CNBD1: variants seen among roughly 807,000 people sequenced by gnomAD.
The protein encoded by CNBD1 is cyclic nucleotide binding domain containing 1, also known as cyclic nucleotide-binding domain-containing protein 1.
A neutral mutation model predicts 54.4 loss-of-function variants in CNBD1; 71 were observed. That is an observed-to-expected ratio of 1.30 (90% confidence interval 1.08 to 1.59). The LOEUF (loss-of-function observed/expected upper bound fraction) is 1.59. CNBD1 is among the 40% of genes most tolerant of loss of function. The probability of loss-of-function intolerance (pLI) is 0.00; values close to 1 mark genes in which losing one functional copy is unlikely to be tolerated. For missense variants in CNBD1, 659 were observed against 518.0 expected (o/e 1.27, Z -2.64); for synonymous variants, 182 against 170.7 (o/e 1.07, Z -0.51).
At chr8:87,258,250 A>G (rs1256454695) in intron 6 of CNBD1, among the ~76,000 whole-genome samples, 2 of 152,116 alleles carry the variant, frequency 1.3e-5, no homozygotes, top group African/African-American at 4.8e-5. Context: ...CCAGGTTACC[A>G]TAAGGCATTC....
chr8:87,302,883 AC>A (rs1809042038), intron 8 of CNBD1, among the ~76,000 whole-genome samples: 1 of 152,094 alleles, frequency 6.6e-6, no homozygotes, highest in African/African-American at 2.4e-5. Context: ...ACTCCCAATC[AC>A]AATTGCTTCA....
intron 4 of CNBD1, among the ~76,000 whole-genome samples, chr8:87,097,340 G>A (rs541225049): frequency 3.3e-5 from 5 of 152,236 alleles, no homozygotes; most frequent in African/African-American, 4.8e-5. Flanking sequence ...ACTGAGGTTC[G>A]TAGTTTATGT....
chr8:87,025,232 G>A (rs1435720905), intron 4 of CNBD1, among the ~76,000 whole-genome samples: 1 of 152,106 alleles, frequency 6.6e-6, no homozygotes, highest in Non-Finnish European at 1.5e-5. Context: ...TCTGTAAAAT[G>A]GACCAATCCC....
chr8:86,897,667 T>C (rs891714085), intron 2 of CNBD1, among the ~76,000 whole-genome samples: 13 of 151,956 alleles, frequency 8.6e-5, no homozygotes, highest in African/African-American at 2.9e-4. Context: ...AAATATAATG[T>C]TTTTTTCCTC....
chr8:87,083,043 C>G (rs1229137614), intron 4 of CNBD1, among the ~76,000 whole-genome samples: 1 of 152,162 alleles, frequency 6.6e-6, no homozygotes, highest in Non-Finnish European at 1.5e-5. Flanking sequence ...AAATTCCTAT[C>G]TAAGGGGTCT....
At chr8:87,398,094 C>CAAA (rs1811441397) in intron 2 of CNBD1, among the ~76,000 whole-genome samples, 1 of 151,170 alleles carries the variant, frequency 6.6e-6, no homozygotes, top group Non-Finnish European at 1.5e-5. Flanking sequence ...TCAATTTTCT[C>CAAA]TAAGTTTTTA....
chr8:86,999,006 G>A (rs1292687177), intron 4 of CNBD1, among the ~76,000 whole-genome samples: 1 of 152,182 alleles, frequency 6.6e-6, no homozygotes, highest in Non-Finnish European at 1.5e-5. Context: ...CACTATCTAT[G>A]TGGACTTTGG....
chr8:87,192,815 G>A (rs974757121), intron 4 of CNBD1, among the ~76,000 whole-genome samples: 10 of 152,158 alleles, frequency 6.6e-5, no homozygotes, highest in East Asian at 1.9e-4. Context: ...GCATAGTCCC[G>A]CTTTTATTAA....
At chr8:86,891,396 A>G (rs139730253) in intron 2 of CNBD1, among the ~76,000 whole-genome samples, 19 of 152,160 alleles carry the variant, frequency 1.2e-4, no homozygotes, top group Non-Finnish European at 2.1e-4. Flanking sequence ...TCAATTTATT[A>G]TAACTGTGGG....
intron 4 of CNBD1, among the ~76,000 whole-genome samples, chr8:87,106,357 A>C (rs1586260387): frequency 6.6e-6 from 1 of 151,988 alleles, no homozygotes; most frequent in East Asian, 2.0e-4. Flanking sequence ...GGTTACAGGC[A>C]CCTGCCACCA....
At chr8:86,911,967 G>A (rs1809107083) in intron 3 of CNBD1, among the ~76,000 whole-genome samples, 1 of 151,998 alleles carries the variant, frequency 6.6e-6, no homozygotes, top group African/African-American at 2.4e-5. Context: ...AAAAATTAAA[G>A]AGGACACAAA....
At chr8:87,398,477 C>T (rs528464095) in intron 2 of CNBD1, among the ~76,000 whole-genome samples, 4 of 151,906 alleles carry the variant, frequency 2.6e-5, no homozygotes, top group Non-Finnish European at 5.9e-5. Context: ...GTTTGAGTGG[C>T]ATATGTTTAA....
At chr8:87,366,957 T>C (rs980915004) in intron 10 of CNBD1, among the ~76,000 whole-genome samples, 2 of 152,038 alleles carry the variant, frequency 1.3e-5, no homozygotes, top group African/African-American at 4.8e-5. Context: ...TCCCTTAATA[T>C]TGGGGAATAT....
At position 87,163,437 on chromosome 8, in the gene CNBD1, C is replaced by A. The variant is rs1302231442; in HGVS notation, c.432-42556C>A. Among the ~76,000 whole-genome samples the A allele has an allele frequency of 6.6e-6, 1 of 151,522 alleles. No individual in the cohort carries two copies. The highest frequency in any genetic ancestry group is 6.6e-5 in the Admixed American group (1 of 15,186). On this transcript the variant is annotated intron_variant, in intron 4 of 10. Coordinates refer to ENST00000518476, the MANE Select transcript of CNBD1 (RefSeq NM_173538.3). This position sits in a 1 kb window ranked among gnomAD's most constrained non-coding sequence, Gnocchi z 4.5. ...CATATGAATAATTTAATATTAATTT[C>A]TTCAACCCATGAATACAAGGTATCT...
rs1447289763 is a variant in CNBD1, at chr8:86,995,031, G to T, written c.431+55277G>T. ...GAATAGCAAAATGAAGGAACAACTTGTATGAGGATCTTTAGATGAGAATGC... is the reference window on the plus strand; with the variant it reads ...GAATAGCAAAATGAAGGAACAACTTTTATGAGGATCTTTAGATGAGAATGC... On this transcript the variant is annotated intron_variant, in intron 4 of 10. Transcript: ENST00000518476. Among the ~76,000 whole-genome samples, 4 of 152,234 alleles carry T rather than the reference G, an allele frequency of 2.6e-5. No homozygotes were observed. The South Asian group carries it at 8.3e-4, about 32-fold the overall frequency.
In CNBD1 at chr8:87,075,747, G is replaced by C. The variant is rs115270287; in HGVS notation, c.432-130246G>C. Among the ~76,000 whole-genome samples the C allele has an allele frequency of 9.3e-3, 1,418 of 152,188 alleles. 22 individuals are homozygous for C. Among genetic ancestry groups the C allele is most frequent in the African/African-American group, 0.032 (1,320 of 41,504 alleles). ...CAGCAGGACCTAGGCTGAACCCCTAGTGTCTTGGTAAAATGTACATGGGTG... is the reference window on the plus strand; with the variant it reads ...CAGCAGGACCTAGGCTGAACCCCTACTGTCTTGGTAAAATGTACATGGGTG... On this transcript the variant is annotated intron_variant, in intron 4 of 10. Transcript: ENST00000518476.
Position 86,986,176 on chromosome 8 carries a change from C to T in CNBD1, c.431+46422C>T, listed in dbSNP as rs937839861. Among the ~76,000 whole-genome samples, 7 of 152,122 alleles carry T rather than the reference C, an allele frequency of 4.6e-5. No individual in the cohort carries two copies. The South Asian group carries it at 8.3e-4, about 18-fold the overall frequency. The stretch of plus-strand genomic sequence containing the variant: ...AACTCCTGACTTCGTGATCTGCCTG[C>T]CTCAGCCTCCCAAAGTGCTGCGATT... On this transcript the variant is annotated intron_variant, in intron 4 of 10. Coordinates refer to ENST00000518476, the MANE Select transcript of CNBD1 (RefSeq NM_173538.3).
intron 2 of CNBD1, among the ~76,000 whole-genome samples, chr8:87,403,499 A>C (rs1395626936): frequency 1.3e-5 from 2 of 152,054 alleles, no homozygotes; most frequent in Non-Finnish European, 2.9e-5. Flanking sequence ...TTATCATCAT[A>C]GAAGAATTAA....
intron 10 of CNBD1, among the ~76,000 whole-genome samples, chr8:87,380,068 C>T (rs530756280): frequency 4.1e-4 from 63 of 151,846 alleles, no homozygotes; most frequent in Non-Finnish European, 7.8e-4. Flanking sequence ...TAAGGATAAA[C>T]TTAGACAAAG....
Sources: allele counts gnomAD v4.1 joint callset (sites outside exome capture counted in the v4.1 genomes callset), GRCh38; gene constraint gnomAD v4.1.1; non-coding constraint Gnocchi (gnomAD v3.1); transcripts MANE v1.5; gene names NCBI Gene and HGNC (gene_info 2026-07-23, HGNC 2026-07-21).